The following PTK2 variants were observed in gnomAD, a reference collection of about 807,000 sequenced individuals.
The protein encoded by PTK2 is focal adhesion kinase 1.
PTK2 carries 45 observed loss-of-function variants against 150.1 expected under a neutral mutation model. The ratio of observed to expected loss-of-function variants is 0.30; its 90% CI spans 0.24 to 0.38. The LOEUF (loss-of-function observed/expected upper bound fraction) is 0.38, where lower values mean the gene tolerates loss of function less well. PTK2 is among the 10% of genes least tolerant of loss of function. PTK2 has a pLI of 1.00. For missense variants in PTK2, 919 were observed against 1,307.3 expected (o/e 0.70, Z 4.58); for synonymous variants, 432 against 449.2 (o/e 0.96, Z 0.48).
intron 27 of PTK2, among the ~76,000 whole-genome samples, chr8:140,685,499 G>A (rs2100019304): frequency 6.6e-6 from 1 of 152,190 alleles, no homozygotes; most frequent in Admixed American, 6.6e-5. Context: ...TCTGACAAAG[G>A]TCTAATATCC....
chr8:140,837,081 T>C (rs1427637032), intron 7 of PTK2, among the ~76,000 whole-genome samples: 2 of 152,208 alleles, frequency 1.3e-5, no homozygotes, highest in Non-Finnish European at 1.5e-5. Context: ...ACGAAAAACA[T>C]TTTTCTTAAA....
At chr8:140,809,417 G>C (rs2100100110) in intron 10 of PTK2, among the ~76,000 whole-genome samples, 1 of 152,212 alleles carries the variant, frequency 6.6e-6, no homozygotes, top group African/African-American at 2.4e-5. Context: ...ACAGATCTAT[G>C]AGAGGCAACT....
chr8:140,675,437 C>G, intron 28 of PTK2, 23 bp downstream of exon 31: 1 of 1,608,266 alleles, frequency 6.2e-7, no homozygotes, highest in Non-Finnish European at 8.5e-7. Flanking sequence ...AACTTCTTTC[C>G]GCCCAATTCT....
intron 26 of PTK2, among the ~76,000 whole-genome samples, chr8:140,698,996 T>C (rs2100028599): frequency 6.7e-6 from 1 of 149,262 alleles, no homozygotes; most frequent in African/African-American, 2.5e-5. Flanking sequence ...CTCGAACTCC[T>C]GGCCTCAAGT....
chr8:140,758,598 T>C (rs569641149), intron 16 of PTK2, among the ~76,000 whole-genome samples: 5 of 152,264 alleles, frequency 3.3e-5, no homozygotes, highest in African/African-American at 1.2e-4. Flanking sequence ...TGTGTAGGCC[T>C]AGCCTAATGT....
chr8:140,729,949 T>C (rs2100048204), intron 22 of PTK2, among the ~76,000 whole-genome samples: 1 of 152,146 alleles, frequency 6.6e-6, no homozygotes, highest in Non-Finnish European at 1.5e-5. Context: ...ACTGTGAGGA[T>C]TAAGATGAAA....
At chr8:140,803,493 C>T in intron 11 of PTK2, 50 bp downstream of exon 11, 1 of 1,443,008 alleles carries the variant, frequency 6.9e-7, no homozygotes, top group East Asian at 2.3e-5. Flanking sequence ...AATTCTAAAA[C>T]ATCCCTATTT....
At chr8:140,899,814 G>A (rs1457405560) in intron 2 of PTK2, among the ~76,000 whole-genome samples, 1 of 152,116 alleles carries the variant, frequency 6.6e-6, no homozygotes, top group Non-Finnish European at 1.5e-5. Flanking sequence ...ATCAATAAAT[G>A]TGATATATCA....
chr8:140,702,730 G>C, intron 24 of PTK2, 23 bp from the exon 28 acceptor site: 1 of 1,610,734 alleles, frequency 6.2e-7, no homozygotes, highest in Non-Finnish European at 8.5e-7. Flanking sequence ...AAGGAGGCAA[G>C]GTAATGTTCA....
chr8:140,858,773 T>G (rs550134781), intron 5 of PTK2, among the ~76,000 whole-genome samples: 1 of 152,320 alleles, frequency 6.6e-6, no homozygotes, highest in East Asian at 1.9e-4. Flanking sequence ...GCCAAACAAT[T>G]ACAGAAGACA....
chr8:140,948,848 C>T (rs943877839), intron 1 of PTK2: 11 of 152,050 alleles, frequency 7.2e-5, no homozygotes, highest in East Asian at 1.9e-4. Context: ...ACATTGTATT[C>T]GGCAATATAA....
chr8:140,864,919 T>G (rs2100138377), intron 4 of PTK2, among the ~76,000 whole-genome samples: 1 of 152,216 alleles, frequency 6.6e-6, no homozygotes, highest in Non-Finnish European at 1.5e-5. Context: ...ATGTACACAT[T>G]TCGGTTGCAT....
At position 140,747,801 on chromosome 8, in the gene PTK2, G is replaced by A. The variant is rs549237901; in HGVS notation, c.1418-941C>T. ...AGGAAGAGGGGGAGGAAGGGAGGAG[G>A]AGGAAGTGAAGGAGAAGAAAGACGA... On this transcript the variant is annotated intron_variant, in intron 17 of 31. Coordinates refer to ENST00000522684, the Ensembl canonical transcript of PTK2. Among the ~76,000 whole-genome samples, 25 of 150,996 alleles carry A rather than the reference G, an allele frequency of 1.7e-4. 1 individual carries two copies. The highest frequency in any genetic ancestry group is 1.5e-3 in the Admixed American group (23 of 15,184).
At chr8:140,706,662 G>A (rs377398912) in intron 23 of PTK2, among the ~76,000 whole-genome samples, 4 of 152,190 alleles carry the variant, frequency 2.6e-5, no homozygotes, top group East Asian at 1.9e-4. Context: ...ATGGAAGACA[G>A]TATGGCTATT....
intron 14 of PTK2, among the ~76,000 whole-genome samples, chr8:140,784,394 T>C (rs1477324176): frequency 6.6e-6 from 1 of 152,082 alleles, no homozygotes; most frequent in African/African-American, 2.4e-5. Flanking sequence ...AATTAAGGTT[T>C]TACTGCTTGA....
chr8:140,972,333 C>T (rs940497702), intron 1 of PTK2, among the ~76,000 whole-genome samples: 13 of 152,092 alleles, frequency 8.5e-5, no homozygotes, highest in Admixed American at 2.0e-4. Context: ...GGCATGATCT[C>T]GGCTCACTGC....
chr8:140,942,623 CGTGCGTGT>C (rs1363764962), intron 1 of PTK2, among the ~76,000 whole-genome samples: 1 of 57,696 alleles, frequency 1.7e-5, no homozygotes, highest in Non-Finnish European at 6.7e-5. Context: ...CTAATGAGTG[CGTGCGTGT>C]GTGTGTGTGT....
chr8:140,787,353 A>G (rs2100085557), intron 14 of PTK2, among the ~76,000 whole-genome samples: 1 of 152,232 alleles, frequency 6.6e-6, no homozygotes, highest in Non-Finnish European at 1.5e-5. Context: ...ACTATCTTAT[A>G]GGCCCTTTGT....
At chr8:140,961,641 G>A (rs13280609) in intron 1 of PTK2, among the ~76,000 whole-genome samples, 63,027 of 149,670 alleles carry the variant, frequency 0.42, 15,062 homozygotes, top group Non-Finnish European at 0.55. Flanking sequence ...CAGCCTGAGC[G>A]ACACAGCGAG....
Sources: gnomAD v4.1 joint callset for allele counts (sites outside exome capture counted in the v4.1 genomes callset) on GRCh38, gnomAD v4.1.1 for gene constraint, MANE v1.5 for transcripts, NCBI Gene and HGNC (gene_info 2026-07-23, HGNC 2026-07-21) for gene names.